The following CNBD1 variants were observed in gnomAD, a reference collection of about 807,000 sequenced individuals.
The protein encoded by CNBD1 is cyclic nucleotide-binding domain-containing protein 1.
Under a neutral mutation model 54.4 loss-of-function variants are expected in CNBD1, and 71 were observed. That is an observed-to-expected ratio of 1.30 (90% confidence interval 1.08 to 1.59). The LOEUF is 1.59. Among genes scored for constraint, CNBD1 ranks in the 40% most tolerant of loss-of-function variants. The probability of loss-of-function intolerance (pLI) is 0.00; values close to 1 mark genes in which losing one functional copy is unlikely to be tolerated. For synonymous variants in CNBD1, 182 were observed against 170.7 expected (o/e 1.07, Z -0.51); for missense variants, 659 against 518.0 (o/e 1.27, Z -2.64).
At chr8:87,379,287 C>A (rs2130957567) in intron 10 of CNBD1, among the ~76,000 whole-genome samples, 1 of 152,020 alleles carries the variant, frequency 6.6e-6, no homozygotes, top group Non-Finnish European at 1.5e-5. Flanking sequence ...TAATGGGAGA[C>A]TTTAACACCC....
At chr8:87,200,142 A>T (rs1475570450) in intron 4 of CNBD1, among the ~76,000 whole-genome samples, 1 of 152,164 alleles carries the variant, frequency 6.6e-6, no homozygotes, top group East Asian at 1.9e-4. Flanking sequence ...GCACAAAGAT[A>T]ATGGGAATCC....
chr8:87,407,500 T>C (rs113268120), intron 2 of CNBD1, among the ~76,000 whole-genome samples: 2,282 of 152,130 alleles, frequency 0.015, 59 homozygotes, highest in African/African-American at 0.049. Flanking sequence ...ATATTTCAAG[T>C]GGGCCTGTAT....
At chr8:87,214,995 A>G (rs913083650) in intron 5 of CNBD1, among the ~76,000 whole-genome samples, 1 of 152,210 alleles carries the variant, frequency 6.6e-6, no homozygotes, top group Admixed American at 6.5e-5. Flanking sequence ...CATCTAAGAA[A>G]TGAAAATATA....
chr8:87,025,757 G>A (rs1215344675), intron 4 of CNBD1, among the ~76,000 whole-genome samples: 1 of 152,046 alleles, frequency 6.6e-6, no homozygotes, highest in Non-Finnish European at 1.5e-5. Flanking sequence ...TCCTGAGGTC[G>A]GTGAGACCAC....
intron 4 of CNBD1, among the ~76,000 whole-genome samples, chr8:87,036,594 T>TAAAAAAAAA (rs58299323): frequency 3.1e-5 from 2 of 64,744 alleles, no homozygotes; most frequent in African/African-American, 1.2e-4. Context: ...ACTGCATCTC[T>TAAAAAAAAA]AAAAAAAAAA....
chr8:87,059,495 C>T (rs535783991), intron 4 of CNBD1, among the ~76,000 whole-genome samples: 2 of 152,308 alleles, frequency 1.3e-5, no homozygotes, highest in Admixed American at 6.5e-5. Context: ...TAACTTGACT[C>T]ACAGTTCTGC....
chr8:87,401,434 A>G (rs1807562027), intron 2 of CNBD1, among the ~76,000 whole-genome samples: 1 of 152,084 alleles, frequency 6.6e-6, no homozygotes, highest in Admixed American at 6.6e-5. Context: ...GGGCTGCTCT[A>G]TTGGGTGACC....
chr8:87,029,037 T>G (rs1809719220), intron 4 of CNBD1, among the ~76,000 whole-genome samples: 1 of 152,216 alleles, frequency 6.6e-6, no homozygotes. Context: ...AAAAGAATGC[T>G]TTTAGCATTA....
In CNBD1 at chr8:86,915,821, G is replaced by A. The variant is rs183491469; in HGVS notation, c.272+10627G>A. On this transcript the variant is annotated intron_variant, in intron 3 of 10. Coordinates refer to ENST00000518476, the MANE Select transcript of CNBD1 (RefSeq NM_173538.3). ...CACTCAGTAACTATATGACTTTGGAGAAGTCAATCTATCTGGGCATTAGTT... is the reference window on the plus strand; with the variant it reads ...CACTCAGTAACTATATGACTTTGGAAAAGTCAATCTATCTGGGCATTAGTT... Among the ~76,000 whole-genome samples the A allele has an allele frequency of 2.8e-3, 424 of 152,292 alleles. 4 individuals are homozygous for A. Among genetic ancestry groups the A allele is most frequent in the African/African-American group, 9.6e-3 (398 of 41,572 alleles).
intron 2 of CNBD1, among the ~76,000 whole-genome samples, chr8:87,417,366 A>C (rs997919759): frequency 1.3e-5 from 2 of 152,008 alleles, no homozygotes; most frequent in African/African-American, 4.8e-5. Context: ...GCTATAATTC[A>C]AGATGAGATT....
intron 4 of CNBD1, among the ~76,000 whole-genome samples, chr8:87,156,755 C>A (rs920947133): frequency 1.3e-5 from 2 of 152,110 alleles, no homozygotes; most frequent in African/African-American, 2.4e-5. Context: ...ACAGGGCTCT[C>A]ATTCTCTTAT....
chr8:87,268,783 T>C (rs1281286695), intron 6 of CNBD1, among the ~76,000 whole-genome samples: 1 of 152,132 alleles, frequency 6.6e-6, no homozygotes, highest in East Asian at 1.9e-4. Flanking sequence ...GGTTTTTGCA[T>C]GTTGAATTAT....
chr8:87,226,890 T>A (rs1379160088), intron 5 of CNBD1, among the ~76,000 whole-genome samples: 1 of 151,296 alleles, frequency 6.6e-6, no homozygotes, highest in Non-Finnish European at 1.5e-5. Context: ...TCTTTGTAGG[T>A]CACTCAGAAC....
intron 8 of CNBD1, among the ~76,000 whole-genome samples, chr8:87,321,775 G>A (rs964458640): frequency 2.0e-5 from 3 of 148,994 alleles, no homozygotes; most frequent in Non-Finnish European, 3.0e-5. Context: ...CAAGACCAAT[G>A]TCATCAGGCT....
rs962915813 is a variant in CNBD1 at position 87,094,998 on chromosome 8, C to T, written c.432-110995C>T. On this transcript the variant is annotated intron_variant, in intron 4 of 10. Coordinates refer to ENST00000518476, the MANE Select transcript of CNBD1 (RefSeq NM_173538.3). ...AGGTTGCAATGAGCCGAGATCACGC[C>T]GTGGCACACCAGCCTGAGCAACAAG... Among the ~76,000 whole-genome samples the T allele has an allele frequency of 5.3e-5, 8 of 152,154 alleles. No individual in the cohort carries two copies. The East Asian group carries it at 7.7e-4, about 15-fold the overall frequency.
At chr8:86,875,190 T>C (rs936384579) in intron 1 of CNBD1, among the ~76,000 whole-genome samples, 1 of 151,982 alleles carries the variant, frequency 6.6e-6, no homozygotes, top group Admixed American at 6.6e-5. Context: ...GTTTGTAATC[T>C]ATCTTCCATA....
At chr8:87,423,013 G>C (rs1179773494) in intron 2 of CNBD1, among the ~76,000 whole-genome samples, 1 of 151,862 alleles carries the variant, frequency 6.6e-6, no homozygotes, top group East Asian at 1.9e-4. Context: ...TGGATTCCTA[G>C]GTATTTTATT....
intron 1 of CNBD1, among the ~76,000 whole-genome samples, chr8:86,869,833 GA>G (rs954385986): frequency 6.0e-5 from 9 of 151,162 alleles, no homozygotes; most frequent in East Asian, 1.9e-4. Context: ...TAGAAAAAAA[GA>G]AAAAAAAATT....
chr8:87,118,293 C>T (rs977385680), intron 4 of CNBD1, among the ~76,000 whole-genome samples: 6 of 123,084 alleles, frequency 4.9e-5, no homozygotes, highest in East Asian at 2.5e-4. Flanking sequence ...CCAGCCTGGG[C>T]GACAGAGCGA....
Sources: gnomAD v4.1 joint callset for allele counts (sites outside exome capture counted in the v4.1 genomes callset) on GRCh38, gnomAD v4.1.1 for gene constraint, MANE v1.5 for transcripts, NCBI Gene and HGNC (gene_info 2026-07-23, HGNC 2026-07-21) for gene names.